Variants in LMBRD1 observed in about 807,000 individuals in gnomAD.
LMBRD1 encodes lysosomal cobalamin transport escort protein LMBD1.
Under a neutral mutation model 74.8 loss-of-function variants are expected in LMBRD1, and 64 were observed. The ratio of observed to expected loss-of-function variants is 0.86; its 90% CI spans 0.70 to 1.05. LMBRD1 has a LOEUF of 1.05. Among genes scored for constraint, LMBRD1 ranks in the 50% least tolerant of loss-of-function variants. The probability of loss-of-function intolerance (pLI) is 0.00; values close to 1 mark genes in which losing one functional copy is unlikely to be tolerated. For missense variants in LMBRD1, 652 were observed against 645.9 expected (o/e 1.01, Z -0.10); for synonymous variants, 204 against 216.3 (o/e 0.94, Z 0.50).
chr6:69,762,242 T>C (rs1765388792), intron 3 of LMBRD1, among the ~76,000 whole-genome samples: 1 of 152,210 alleles, frequency 6.6e-6, no homozygotes. Context: ...TTTGCCTAGA[T>C]ATTGCATTCA....
At chr6:69,792,898 C>T (rs578106987) in intron 1 of LMBRD1, among the ~76,000 whole-genome samples, 29 of 152,248 alleles carry the variant, frequency 1.9e-4, no homozygotes, top group African/African-American at 6.7e-4. Context: ...AGAGTTAAGC[C>T]AGAGATTCCC....
At chr6:69,774,238 T>C (rs563505452) in intron 3 of LMBRD1, among the ~76,000 whole-genome samples, 1 of 152,324 alleles carries the variant, frequency 6.6e-6, no homozygotes, top group East Asian at 1.9e-4. Flanking sequence ...CCTGCCACCA[T>C]GTTAGATGTG....
chr6:69,786,501 A>G (rs1000684047), intron 2 of LMBRD1, among the ~76,000 whole-genome samples: 2 of 132,834 alleles, frequency 1.5e-5, no homozygotes, highest in African/African-American at 5.5e-5. Flanking sequence ...TTTTTTTACT[A>G]TTGGATCAGT....
intron 2 of LMBRD1, among the ~76,000 whole-genome samples, chr6:69,787,954 G>T (rs2149896675): frequency 6.6e-6 from 1 of 152,108 alleles, no homozygotes; most frequent in South Asian, 2.1e-4. Flanking sequence ...TTCTTTAGTG[G>T]ATTCTTAAAA....
At chr6:69,682,642 G>C (rs1001640574) in intron 14 of LMBRD1, among the ~76,000 whole-genome samples, 2 of 151,926 alleles carry the variant, frequency 1.3e-5, no homozygotes, top group African/African-American at 4.8e-5. Flanking sequence ...CTTACTATCT[G>C]CTGGTTGTAA....
chr6:69,794,569 AC>A (rs1241261949), intron 1 of LMBRD1, among the ~76,000 whole-genome samples: 4 of 152,270 alleles, frequency 2.6e-5, no homozygotes, highest in Non-Finnish European at 5.9e-5. Context: ...TGTCAAATGA[AC>A]AAAGGGAATC....
chr6:69,738,631 A>C (rs1011904921), intron 6 of LMBRD1, among the ~76,000 whole-genome samples: 2 of 146,442 alleles, frequency 1.4e-5, no homozygotes, highest in Admixed American at 6.7e-5. Context: ...CACACACACA[A>C]AATACTATGC....
At position 69,679,059 on chromosome 6, in the gene LMBRD1, A is replaced by AC. The variant is rs1554229152; in HGVS notation, c.1418-2519_1418-2518insG. On this transcript the variant is annotated intron_variant, in intron 14 of 15. Transcript: ENST00000649934. The stretch of plus-strand genomic sequence containing the variant: ...TGGTTAAAACAAAAAAAAAAAAACA[A>AC]AAACAAACAAACAAAAAAAATCACA... 6.4e-3 allele frequency among the ~76,000 whole-genome samples: 845 copies of AC among 131,508 alleles called. 8 individuals are homozygous for AC. The highest frequency in any genetic ancestry group is 0.017 in the African/African-American group (684 of 39,676). 86.3% of individuals were successfully genotyped at this position (131,508 alleles called of 152,430 possible).
chr6:69,697,743 C>T (rs1242055107), intron 13 of LMBRD1, 102 bp from the exon 14 acceptor site: 1 of 658,046 alleles, frequency 1.5e-6, no homozygotes, highest in Non-Finnish European at 2.7e-6. Flanking sequence ...ATACTAACTA[C>T]ATCTATCTAA....
At position 69,708,777 on chromosome 6, in the gene LMBRD1, G is replaced by T. The variant is rs576831328; in HGVS notation, c.915+4868C>A. On this transcript the variant is annotated intron_variant, in intron 9 of 15. Transcript: ENST00000649934. Reference sequence around the variant, plus strand: ...TAGTAGAGAATAAAAGGTAACACTGGCACAAAATTTTGAGATAGAACATAA... The same window carrying T: ...TAGTAGAGAATAAAAGGTAACACTGTCACAAAATTTTGAGATAGAACATAA... Among the ~76,000 whole-genome samples, 60 of 152,124 alleles carry T rather than the reference G, an allele frequency of 3.9e-4. No individual in the cohort carries two copies. The South Asian group carries it at 8.1e-3, about 21-fold the overall frequency.
chr6:69,788,333 T>C lies in LMBRD1; in HGVS notation c.246+1963A>G, dbSNP rs1357691128. On this transcript the variant is annotated intron_variant, in intron 2 of 15. Coordinates refer to ENST00000649934, the MANE Select transcript of LMBRD1 (RefSeq NM_018368.4). Reference sequence around the variant, plus strand: ...ATCAGAATACACACATATACATATATATCATTATCTATTTAAACTTAACAG... The same window carrying C: ...ATCAGAATACACACATATACATATACATCATTATCTATTTAAACTTAACAG... Among the ~76,000 whole-genome samples the C allele has an allele frequency of 2.6e-5, 4 of 152,124 alleles. No individual in the cohort carries two copies. In the East Asian group the frequency reaches 5.8e-4, roughly 22 times the overall value.
rs1401780764 is a variant in LMBRD1 at position 69,780,405 on chromosome 6, A to T, written c.307+89T>A. The T allele has an allele frequency of 1.8e-5, 17 of 959,676 alleles. No homozygotes were observed. In the Admixed American group the frequency reaches 2.9e-4, roughly 16 times the overall value. The allele number at this position is 959,676 out of a possible 1,614,324, so 59.4% of individuals were successfully genotyped here. A position where few individuals can be genotyped will look rare whatever the true frequency, so the allele number is the denominator to read the frequency against. On this transcript the variant is annotated intron_variant, in intron 3 of 15. Coordinates refer to ENST00000649934, the MANE Select transcript of LMBRD1 (RefSeq NM_018368.4). ...TCATTTTTTTCTAATTCGACCCAAGAGGAAGAACCTGGGGTTCTCCACTCA... is the reference window on the plus strand; with the variant it reads ...TCATTTTTTTCTAATTCGACCCAAGTGGAAGAACCTGGGGTTCTCCACTCA...
intron 7 of LMBRD1, among the ~76,000 whole-genome samples, chr6:69,733,477 G>A (rs917268677): frequency 1.3e-5 from 2 of 151,944 alleles, no homozygotes; most frequent in Non-Finnish European, 2.9e-5. Flanking sequence ...CTAAAATTTC[G>A]GTAAGTATTA....
intron 3 of LMBRD1, among the ~76,000 whole-genome samples, chr6:69,764,679 T>G (rs1460375264): frequency 6.6e-6 from 1 of 152,234 alleles, no homozygotes; most frequent in Non-Finnish European, 1.5e-5. Context: ...TGAATGGTTT[T>G]ATTAATGATT....
intron 2 of LMBRD1, among the ~76,000 whole-genome samples, chr6:69,785,045 C>CCTA (rs1765917475): frequency 1.3e-5 from 2 of 152,148 alleles, no homozygotes; most frequent in South Asian, 4.1e-4. Context: ...ACCTAACCAC[C>CCTA]CTACTGTTCT....
At chr6:69,790,560 CT>C in intron 1 of LMBRD1, 88 bp from the exon 2 acceptor site, 1 of 1,299,614 alleles carries the variant, frequency 7.7e-7, no homozygotes, top group Non-Finnish European at 1.1e-6. Flanking sequence ...AGCAGGAAAC[CT>C]TATGTGAAGT....
chr6:69,711,720 G>A (rs9364051), intron 9 of LMBRD1, among the ~76,000 whole-genome samples: 51,557 of 151,954 alleles, frequency 0.34, 9,823 homozygotes, highest in East Asian at 0.54. Flanking sequence ...CAAACCAGGC[G>A]CTTTTTAGGG....
At chr6:69,725,493 A>T (rs1022022481) in intron 7 of LMBRD1, among the ~76,000 whole-genome samples, 1 of 152,098 alleles carries the variant, frequency 6.6e-6, no homozygotes, top group African/African-American at 2.4e-5. Context: ...TCTATTACAG[A>T]GCTATAGTAA....
intron 3 of LMBRD1, among the ~76,000 whole-genome samples, chr6:69,764,916 T>C (rs1362052030): frequency 6.8e-6 from 1 of 146,718 alleles, no homozygotes; most frequent in African/African-American, 2.5e-5. Flanking sequence ...ATTGTATTCC[T>C]TAATTTCTTT....
Sources: gnomAD v4.1 joint callset for allele counts (sites outside exome capture counted in the v4.1 genomes callset) on GRCh38, gnomAD v4.1.1 for gene constraint, MANE v1.5 for transcripts, NCBI Gene and HGNC (gene_info 2026-07-23, HGNC 2026-07-21) for gene names.